The following TNR variants were observed in gnomAD, a reference collection of about 807,000 sequenced individuals.
TNR encodes tenascin-R.
Under a neutral mutation model 150.4 loss-of-function variants are expected in TNR, and 45 were observed. That is an observed-to-expected ratio of 0.30 (90% CI 0.24 to 0.38). The LOEUF is 0.38. Among genes scored for constraint, TNR ranks in the 10% least tolerant of loss-of-function variants. TNR has a pLI of 1.00. For synonymous variants in TNR, 687 were observed against 678.4 expected (o/e 1.01, Z -0.20); for missense variants, 1,544 against 1,759.1 (o/e 0.88, Z 2.19).
chr1:175,359,139 C>CTTTTTTTTTTTTTTTTT lies in TNR; in HGVS notation c.2974+456_2974+472dup. Among the ~76,000 whole-genome samples, 129 of 42,138 alleles carry CTTTTTTTTTTTTTTTTT rather than the reference C, an allele frequency of 3.1e-3. 37 individuals carry two copies. The highest frequency in any genetic ancestry group is 3.9e-3 in the Non-Finnish European group (90 of 23,136). 27.6% of individuals were successfully genotyped at this position (42,138 alleles called of 152,430 possible). A position where few individuals can be genotyped will look rare whatever the true frequency, so the allele number is the denominator to read the frequency against. On this transcript the variant is annotated intron_variant, in intron 15 of 22. Transcript: ENST00000367674. Reference sequence around the variant, plus strand: ...AGTTTGCAGAGTTTGGGGATATCTTCTTTTTTTTTTTTTTTTTTTTTTTTT... The same window carrying CTTTTTTTTTTTTTTTTT: ...AGTTTGCAGAGTTTGGGGATATCTTCTTTTTTTTTTTTTTTTTTTTTTTTTTTTTTTTTTTTTTTTTT...
intron 2 of TNR, among the ~76,000 whole-genome samples, chr1:175,496,168 G>A (rs958809870): frequency 3.9e-5 from 6 of 151,932 alleles, no homozygotes; most frequent in African/African-American, 1.2e-4. Flanking sequence ...TTTGAGTGCC[G>A]GATTCCCACA....
At chr1:175,498,792 T>C (rs954942964) in intron 2 of TNR, among the ~76,000 whole-genome samples, 1 of 152,216 alleles carries the variant, frequency 6.6e-6, no homozygotes, top group Non-Finnish European at 1.5e-5. Context: ...GGGCAGTAAC[T>C]TAAGTGAGCT....
chr1:175,471,900 CT>C (rs1238740616), intron 2 of TNR, among the ~76,000 whole-genome samples: 3 of 152,020 alleles, frequency 2.0e-5, no homozygotes, highest in Admixed American at 1.3e-4. Context: ...AAAATATTTT[CT>C]TTTTTAGATC....
chr1:175,325,681 T>C (rs1436235478), intron 21 of TNR, among the ~76,000 whole-genome samples: 1 of 152,248 alleles, frequency 6.6e-6, no homozygotes, highest in Admixed American at 6.5e-5. Context: ...TGGAATACTA[T>C]GCAGCCATAA....
chr1:175,625,600 C>G (rs1664127292), intron 1 of TNR, among the ~76,000 whole-genome samples: 1 of 152,368 alleles, frequency 6.6e-6, no homozygotes, highest in African/African-American at 2.4e-5. Context: ...AGAGCCTTCC[C>G]ATGGGATTCA....
intron 2 of TNR, among the ~76,000 whole-genome samples, chr1:175,515,812 T>A (rs1180667659): frequency 6.6e-6 from 1 of 152,210 alleles, no homozygotes; most frequent in African/African-American, 2.4e-5. Flanking sequence ...GCTACAGGCA[T>A]GGATGCTCTT....
intron 1 of TNR, among the ~76,000 whole-genome samples, chr1:175,662,477 C>T (rs1436993191): frequency 6.6e-6 from 1 of 152,216 alleles, no homozygotes; most frequent in Admixed American, 6.5e-5. Context: ...CTGGGCCTCC[C>T]CTAGGGCCCC....
chr1:175,480,648 T>C (rs1181033041), intron 2 of TNR, among the ~76,000 whole-genome samples: 6 of 152,132 alleles, frequency 3.9e-5, no homozygotes, highest in Non-Finnish European at 8.8e-5. Flanking sequence ...TCCCACACGC[T>C]ATGTGAGGAT....
chr1:175,541,290 A>C (rs76024496), intron 1 of TNR, among the ~76,000 whole-genome samples: 2,868 of 152,324 alleles, frequency 0.019, 74 homozygotes, highest in African/African-American at 0.065. Context: ...GAGAGGGTCA[A>C]TAAGTATTAA....
intron 1 of TNR, among the ~76,000 whole-genome samples, chr1:175,571,308 G>A (rs987192597): frequency 6.6e-6 from 1 of 152,046 alleles, no homozygotes; most frequent in African/African-American, 2.4e-5. Flanking sequence ...TTGAATCTCA[G>A]TAAAAATATA....
chr1:175,629,777 A>G (rs1014370731), intron 1 of TNR, among the ~76,000 whole-genome samples: 2 of 152,236 alleles, frequency 1.3e-5, no homozygotes, highest in Non-Finnish European at 2.9e-5. Flanking sequence ...GCTACAAAAT[A>G]GCCTTGAGGG....
At chr1:175,417,067 G>GAAATAAATAAAT (rs1332462418) in intron 2 of TNR, among the ~76,000 whole-genome samples, 7 of 130,328 alleles carry the variant, frequency 5.4e-5, no homozygotes, top group East Asian at 5.0e-4. Flanking sequence ...AAGAAAGAAA[G>GAAATAAATAAAT]AAAGAAAGAA....
chr1:175,743,046 G>A (rs1375411234), intron 1 of TNR, among the ~76,000 whole-genome samples, 180 bp downstream of exon 1: 1 of 151,696 alleles, frequency 6.6e-6, no homozygotes, highest in Non-Finnish European at 1.5e-5. Context: ...ATAGTTTTGC[G>A]CCTTTCTTTT....
chr1:175,524,559 C>T (rs1297274889), intron 2 of TNR, among the ~76,000 whole-genome samples: 1 of 151,978 alleles, frequency 6.6e-6, no homozygotes, highest in Non-Finnish European at 1.5e-5. Context: ...AAGGAAGAGA[C>T]CAAGGACTCA....
chr1:175,730,054 A>G (rs545921325), intron 1 of TNR, among the ~76,000 whole-genome samples: 3 of 152,284 alleles, frequency 2.0e-5, no homozygotes, highest in Admixed American at 6.5e-5. Context: ...TCTCCCCATG[A>G]GTATCCTGAA....
At chr1:175,462,964 C>A (rs76840829) in intron 2 of TNR, among the ~76,000 whole-genome samples, 1,538 of 152,190 alleles carry the variant, frequency 0.01, 23 homozygotes, top group African/African-American at 0.034. Flanking sequence ...TTGGACATAG[C>A]GAGAGAGCGT....
rs1245465561 is a variant in TNR at position 175,403,422 on chromosome 1, C to T, written c.694G>A (p.Glu232Lys). The T allele has an allele frequency of 1.6e-5, 26 of 1,614,106 alleles. No homozygotes were observed. Among genetic ancestry groups the T allele is most frequent in the Middle Eastern group, 1.6e-4 (1 of 6,084 alleles). Reference sequence around the variant, plus strand: ...CTGCAGTCTGTTGGGCACCGGAGTTCGGAACAGTCATCCCCGCTGTACTCG... The same window carrying T: ...CTGCAGTCTGTTGGGCACCGGAGTTTGGAACAGTCATCCCCGCTGTACTCG... ...DSEYSGDDCS[E>K]LRCPTDCSSR... is the part of the protein sequence containing the mutation. Residue 232 changes from glutamate (E) to lysine (K), a missense_variant, in exon 4 of 23, where the codon GAA (glutamate) becomes AAA (lysine). This residue lies in a region of TNR where 1,254 missense variants were observed against 1,329.4 expected (regional missense o/e 0.94). Transcript: ENST00000367674.
At position 175,574,307 on chromosome 1, in the gene TNR, C is replaced by T. The variant is rs915602626; in HGVS notation, c.-164-45938G>A. Reference sequence around the variant, plus strand: ...GGGTGAAATGAAAAGACGTCCTGTCCCCATTGTCCTTTTCTGTCTGCTCCT... The same window carrying T: ...GGGTGAAATGAAAAGACGTCCTGTCTCCATTGTCCTTTTCTGTCTGCTCCT... On this transcript the variant is annotated intron_variant, in intron 1 of 22. Transcript: ENST00000367674. Among the ~76,000 whole-genome samples, 6 of 152,176 alleles carry T rather than the reference C, an allele frequency of 3.9e-5. No individual in the cohort carries two copies. In the East Asian group the frequency reaches 1.2e-3, roughly 29 times the overall value.
intron 20 of TNR, among the ~76,000 whole-genome samples, chr1:175,331,151 C>CTT (rs1360754613): frequency 2.3e-5 from 3 of 132,542 alleles, no homozygotes; most frequent in Admixed American, 7.8e-5. Context: ...TTCTTCCTTT[C>CTT]TTTCTTTTTC....
Sources: allele counts gnomAD v4.1 joint callset (sites outside exome capture counted in the v4.1 genomes callset), GRCh38; gene constraint gnomAD v4.1.1; regional missense constraint gnomAD v4.1.1; transcripts MANE v1.5; gene names NCBI Gene and HGNC (gene_info 2026-07-23, HGNC 2026-07-21).